TRERF1: variants seen among roughly 807,000 people sequenced by gnomAD.
TRERF1 encodes the protein transcriptional regulating factor 1.
TRERF1 carries 27 observed loss-of-function variants against 122.9 expected under a neutral mutation model. That is an observed-to-expected ratio of 0.22 (90% CI 0.16 to 0.30). The LOEUF is 0.30. TRERF1 is among the 10% of genes least tolerant of loss of function. TRERF1 has a pLI of 1.00. For missense variants in TRERF1, 1,248 were observed against 1,560.3 expected (o/e 0.80, Z 3.37); for synonymous variants, 636 against 641.7 (o/e 0.99, Z 0.13).
At chr6:42,244,404 G>C (rs1305604232) in intron 14 of TRERF1, among the ~76,000 whole-genome samples, 1 of 152,132 alleles carries the variant, frequency 6.6e-6, no homozygotes, top group Non-Finnish European at 1.5e-5. Context: ...GGCTGGTCTC[G>C]AACTCCCGAC....
At position 42,362,986 on chromosome 6, in the gene TRERF1, C is replaced by T. The variant is rs1434963167; in HGVS notation, c.-371+11G>A. ...AAAATATTCCAACACCAAGAACTCC[C>T]GAGAAGCGACCTGTTTGAGGATGAA... On this transcript the variant is annotated intron_variant, in intron 3 of 17. Transcript: ENST00000372922. 6.5e-6 allele frequency: 1 copy of T among 153,762 alleles called. No individual in the cohort carries two copies. Among genetic ancestry groups the T allele is most frequent in the African/African-American group, 2.4e-5 (1 of 41,438 alleles). 9.5% of individuals were successfully genotyped at this position (153,762 alleles called of 1,614,324 possible).
At chr6:42,246,397 T>G in intron 14 of TRERF1, 59 bp downstream of exon 14, 1 of 1,224,524 alleles carries the variant, frequency 8.2e-7, no homozygotes, top group African/African-American at 1.5e-5. Context: ...TTCTAAATAT[T>G]TTTGTGTACA....
At chr6:42,372,520 C>A (rs138224047) in intron 2 of TRERF1, among the ~76,000 whole-genome samples, 14 of 152,246 alleles carry the variant, frequency 9.2e-5, no homozygotes, top group African/African-American at 3.1e-4. Flanking sequence ...CAGTTCCCTT[C>A]CCCCTAACTA....
intron 4 of TRERF1, among the ~76,000 whole-genome samples, chr6:42,272,414 G>A (rs1220986792): frequency 1.3e-5 from 2 of 152,190 alleles, no homozygotes; most frequent in Non-Finnish European, 2.9e-5. Flanking sequence ...GGGCGTGAGA[G>A]TGCTGAGCTT....
chr6:42,260,444 T>C (rs1777627648), intron 8 of TRERF1, among the ~76,000 whole-genome samples: 1 of 152,132 alleles, frequency 6.6e-6, no homozygotes, highest in Non-Finnish European at 1.5e-5. Context: ...GAACCAAGCA[T>C]AGTCTGGAAG....
chr6:42,357,223 G>T (rs1463234199), intron 3 of TRERF1, among the ~76,000 whole-genome samples: 1 of 151,358 alleles, frequency 6.6e-6, no homozygotes, highest in Non-Finnish European at 1.5e-5. Context: ...CAGCTACTCA[G>T]GAGGCTGAGG....
At chr6:42,378,600 C>T (rs1156555988) in intron 2 of TRERF1, among the ~76,000 whole-genome samples, 1 of 152,134 alleles carries the variant, frequency 6.6e-6, no homozygotes, top group African/African-American at 2.4e-5. Flanking sequence ...CAACCTAGAT[C>T]ACTGGCCCTT....
chr6:42,348,871 A>G (rs1300851105), intron 3 of TRERF1, among the ~76,000 whole-genome samples: 1 of 152,196 alleles, frequency 6.6e-6, no homozygotes, highest in Non-Finnish European at 1.5e-5. Flanking sequence ...GTTAGAAGGA[A>G]GGCAGGATAC....
At chr6:42,328,209 G>C (rs1266149679) in intron 3 of TRERF1, among the ~76,000 whole-genome samples, 1 of 151,756 alleles carries the variant, frequency 6.6e-6, no homozygotes, top group Non-Finnish European at 1.5e-5. Context: ...GGGTTTCACT[G>C]TGTTGGCCAG....
At chr6:42,438,840 A>G (rs766458859) in intron 2 of TRERF1, among the ~76,000 whole-genome samples, 22 of 152,140 alleles carry the variant, frequency 1.4e-4, no homozygotes, top group Non-Finnish European at 2.9e-4. Flanking sequence ...TGTGCAGATT[A>G]GATCAGAGGG....
chr6:42,240,566 G>A (rs143995397), intron 15 of TRERF1, among the ~76,000 whole-genome samples: 27 of 152,318 alleles, frequency 1.8e-4, no homozygotes, highest in Non-Finnish European at 3.1e-4. Flanking sequence ...TGTGTGACCT[G>A]GGGCAAGCCC....
rs200493020 is a variant in TRERF1 at position 42,269,263 on chromosome 6, C to T, written c.328G>A (p.Ala110Thr). Residue 110 changes from alanine (A) to threonine (T), a missense_variant, in exon 5 of 18, where the codon GCA (alanine) becomes ACA (threonine). Ala to Thr is a moderately conservative substitution (Grantham distance 58). This residue lies in a region of TRERF1 where 946 missense variants were observed against 1,073.0 expected (regional missense o/e 0.88). Transcript: ENST00000372922. The surrounding 1 kb of genome is among the most constrained non-coding windows in gnomAD (Gnocchi z 4.9). ...TCAGTGGGCTCAGCCTGGGCTGGTG[C>T]CCCCCACATCATGTTTGAGTTGGCC... 4.7e-5 allele frequency: 76 copies of T among 1,614,122 alleles called. No individual in the cohort carries two copies. In the East Asian group the frequency reaches 1.7e-3, roughly 36 times the overall value.
At chr6:42,236,495 G>A in intron 15 of TRERF1, 84 bp from the exon 16 acceptor site, 1 of 1,498,554 alleles carries the variant, frequency 6.7e-7, no homozygotes, top group Non-Finnish European at 8.9e-7. Flanking sequence ...ATCAACAGAG[G>A]AGAGAGGGGC....
chr6:42,302,579 T>TA (rs1407671601), intron 3 of TRERF1, among the ~76,000 whole-genome samples: 6 of 152,262 alleles, frequency 3.9e-5, no homozygotes, highest in African/African-American at 1.4e-4. Context: ...ATTCTAGCGA[T>TA]AAGCACATCA....
chr6:42,343,292 G>GC (rs1168933134), intron 3 of TRERF1, among the ~76,000 whole-genome samples: 1 of 152,154 alleles, frequency 6.6e-6, no homozygotes, highest in African/African-American at 2.4e-5. Flanking sequence ...AATGCTGATA[G>GC]CATGTAGCCA....
chr6:42,319,663 A>C (rs1383169222), intron 3 of TRERF1, among the ~76,000 whole-genome samples: 2 of 151,998 alleles, frequency 1.3e-5, no homozygotes, highest in Admixed American at 6.5e-5. Flanking sequence ...GTCTACAAAA[A>C]AATGTAAAAA....
intron 15 of TRERF1, among the ~76,000 whole-genome samples, chr6:42,242,104 A>G (rs956169229): frequency 6.6e-6 from 1 of 152,202 alleles, no homozygotes; most frequent in Non-Finnish European, 1.5e-5. Context: ...CAAACAAACA[A>G]AAGAAAATTT....
At chr6:42,309,168 C>G (rs543991998) in intron 3 of TRERF1, among the ~76,000 whole-genome samples, 8 of 152,084 alleles carry the variant, frequency 5.3e-5, no homozygotes, top group Admixed American at 1.3e-4. Context: ...AAGGCAGGGT[C>G]GATTTGTGTA....
rs542416230 is a variant in TRERF1, at chr6:42,228,449, C to T, written c.3499G>A (p.Val1167Ile). ...TCCATGACACCTCCCAACTGCTGGA[C>T]GACGTCGTCGTCGAGGATGTCCACA... The change falls in exon 18 of 18, where the codon GTC (valine) becomes ATC (isoleucine). Residue 1167 changes from valine to isoleucine, a missense_variant. Val to Ile is a conservative substitution (Grantham distance 29). Coordinates refer to ENST00000372922, the Ensembl canonical transcript of TRERF1. The surrounding 1 kb of genome is among the most constrained non-coding windows in gnomAD (Gnocchi z 4.2). 13 of 1,614,184 alleles carry T rather than the reference C, an allele frequency of 8.1e-6. No individual in the cohort carries two copies. Among genetic ancestry groups the T allele is most frequent in the South Asian group, 6.6e-5 (6 of 91,084 alleles).
Sources: allele counts gnomAD v4.1 joint callset (sites outside exome capture counted in the v4.1 genomes callset), GRCh38; gene constraint gnomAD v4.1.1; regional missense constraint gnomAD v4.1.1; non-coding constraint Gnocchi (gnomAD v3.1); transcripts MANE v1.5; gene names NCBI Gene and HGNC (gene_info 2026-07-23, HGNC 2026-07-21).